Variants in FHIP1A observed in about 807,000 individuals in gnomAD.
FHIP1A encodes the protein FHF complex subunit HOOK-interacting protein 1A.
FHIP1A carries 61 observed loss-of-function variants against 88.6 expected under a neutral mutation model. The observed-to-expected ratio is 0.69, with a 90% CI of 0.56 to 0.85. The LOEUF (loss-of-function observed/expected upper bound fraction) is 0.85, where lower values mean the gene tolerates loss of function less well. Among genes scored for constraint, FHIP1A ranks in the 40% least tolerant of loss-of-function variants. FHIP1A has a pLI of 0.00. For missense variants in FHIP1A, 1,154 were observed against 1,273.5 expected (o/e 0.91, Z 1.43); for synonymous variants, 478 against 496.0 (o/e 0.96, Z 0.48).
At chr4:151,528,835 C>T (rs1230927848) in intron 3 of FHIP1A, among the ~76,000 whole-genome samples, 5 of 152,138 alleles carry the variant, frequency 3.3e-5, no homozygotes, top group Non-Finnish European at 5.9e-5. Flanking sequence ...AATATTTTCC[C>T]CCCCTTCAGC....
intron 3 of FHIP1A, among the ~76,000 whole-genome samples, chr4:151,557,944 A>G (rs1733017368): frequency 6.6e-6 from 1 of 152,148 alleles, no homozygotes; most frequent in Non-Finnish European, 1.5e-5. Context: ...GCTACAGTGT[A>G]TGTTGTTCTA....
intron 5 of FHIP1A, among the ~76,000 whole-genome samples, chr4:151,581,477 T>C (rs1025251366): frequency 6.6e-6 from 1 of 152,216 alleles, no homozygotes; most frequent in African/African-American, 2.4e-5. Flanking sequence ...TCCATTTAAC[T>C]GCATCATAAG....
At position 151,629,763 on chromosome 4, in the gene FHIP1A, C is replaced by T; in HGVS notation, c.1040C>T (p.Ser347Phe). 1 of 1,551,466 alleles carries T rather than the reference C, an allele frequency of 6.4e-7. No homozygotes were observed. Among genetic ancestry groups the T allele is most frequent in the Non-Finnish European group, 8.7e-7 (1 of 1,146,834 alleles). The change falls in exon 8 of 14, where the codon TCC becomes TTC. Residue 347 changes from serine (S) to phenylalanine (F), a missense_variant. Physicochemically the swap from Ser to Phe is radical, Grantham distance 155 (BLOSUM62 -2). Transcript: ENST00000435205. Reference protein sequence around the residue: ...AYLDLFLRSISEPALLEIFLR... With the variant: ...AYLDLFLRSIFEPALLEIFLR... ...CTGGACCTTTTCCTGCGTAGCATCTCCGAGCCAGCACTACTTGAGATCTTC... is the reference window on the plus strand; with the variant it reads ...CTGGACCTTTTCCTGCGTAGCATCTTCGAGCCAGCACTACTTGAGATCTTC...
intron 3 of FHIP1A, among the ~76,000 whole-genome samples, chr4:151,532,163 G>A (rs1053705431): frequency 2.0e-5 from 3 of 152,124 alleles, no homozygotes; most frequent in Non-Finnish European, 4.4e-5. Flanking sequence ...GCGAAACTGG[G>A]ATGATTTTCA....
intron 3 of FHIP1A, among the ~76,000 whole-genome samples, chr4:151,526,970 G>T (rs1282966297): frequency 1.3e-5 from 2 of 151,750 alleles, no homozygotes; most frequent in Non-Finnish European, 2.9e-5. Context: ...TGGGATGGCG[G>T]CTGGGAAGAG....
intron 2 of FHIP1A, among the ~76,000 whole-genome samples, chr4:151,482,026 C>T (rs973502935): frequency 1.6e-4 from 24 of 152,006 alleles, no homozygotes; most frequent in African/African-American, 5.6e-4. Context: ...AGACTTTGCC[C>T]GTTGGATGGC....
At chr4:151,564,467 C>G (rs1477236666) in intron 3 of FHIP1A, among the ~76,000 whole-genome samples, 1 of 152,132 alleles carries the variant, frequency 6.6e-6, no homozygotes, top group African/African-American at 2.4e-5. Context: ...GGTGAAGGTT[C>G]TGGCAGTAAG....
In FHIP1A at chr4:151,662,934, TTA is replaced by T; in HGVS notation, c.*182_*183del. On this transcript the variant is annotated 3_prime_UTR_variant, in exon 14 of 14. Coordinates refer to ENST00000435205, the MANE Select transcript of FHIP1A (RefSeq NM_001109977.3). ...CTCTCTCTAGCCGGGCCTTTCCACC[TTA>T]TGTTATATATAGAATGTAAGTCTCA... is the stretch of plus-strand genomic sequence containing the variant. The T allele has an allele frequency of 1.7e-6, 1 of 585,238 alleles. No homozygotes were observed. Among genetic ancestry groups the T allele is most frequent in the South Asian group, 2.8e-5 (1 of 35,222 alleles). The allele number at this position is 585,238 out of a possible 1,614,324, so 36.3% of individuals were successfully genotyped here. A position where few individuals can be genotyped will look rare whatever the true frequency, so the allele number is the denominator to read the frequency against.
intron 3 of FHIP1A, among the ~76,000 whole-genome samples, chr4:151,493,354 A>G (rs1730350576): frequency 6.6e-6 from 1 of 152,198 alleles, no homozygotes; most frequent in South Asian, 2.1e-4. Flanking sequence ...CAACAAATAA[A>G]GTCCAGGAAC....
In FHIP1A at chr4:151,537,610, A is replaced by G. The variant is rs137859278; in HGVS notation, c.-122-28528A>G. Among the ~76,000 whole-genome samples, 506 of 152,208 alleles carry G rather than the reference A, an allele frequency of 3.3e-3. 5 individuals carry two copies. The highest frequency in any genetic ancestry group is 0.012 in the African/African-American group (487 of 41,528). ...AAGTTTTAAGTTTTGATGATGTTCA[A>G]TTCATCAGTTTTTTCTTTTACAGAT... On this transcript the variant is annotated intron_variant, in intron 3 of 13. Coordinates refer to ENST00000435205, the MANE Select transcript of FHIP1A (RefSeq NM_001109977.3).
At chr4:151,501,912 G>A (rs2126663796) in intron 3 of FHIP1A, among the ~76,000 whole-genome samples, 1 of 151,124 alleles carries the variant, frequency 6.6e-6, no homozygotes, top group South Asian at 2.1e-4. Context: ...GCCATTCATA[G>A]GAAAAACAGA....
intron 3 of FHIP1A, among the ~76,000 whole-genome samples, chr4:151,543,960 T>C (rs1285858647): frequency 6.6e-6 from 1 of 152,202 alleles, no homozygotes; most frequent in Non-Finnish European, 1.5e-5. Context: ...CACTGATTGA[T>C]TGTGAAAATT....
At chr4:151,451,559 C>T (rs1158831958) in intron 1 of FHIP1A, among the ~76,000 whole-genome samples, 2 of 152,020 alleles carry the variant, frequency 1.3e-5, no homozygotes, top group African/African-American at 4.8e-5. Flanking sequence ...TCTAGTTCCC[C>T]CATATCTTTG....
chr4:151,499,681 C>T lies in FHIP1A; in HGVS notation c.-123+17033C>T, dbSNP rs532566994. ...GAGGTTTAATTAACTTAGAGTTCAG[C>T]GTGGCTGGGGAGGCCTCAGGAAACT... On this transcript the variant is annotated intron_variant, in intron 3 of 13. Transcript: ENST00000435205. Among the ~76,000 whole-genome samples, 10 of 152,270 alleles carry T rather than the reference C, an allele frequency of 6.6e-5. No individual in the cohort carries two copies. The South Asian group carries it at 1.7e-3, about 25-fold the overall frequency.
chr4:151,571,982 C>T (rs1483060208), intron 4 of FHIP1A, among the ~76,000 whole-genome samples: 16 of 152,202 alleles, frequency 1.1e-4, no homozygotes, highest in Admixed American at 7.2e-4. Flanking sequence ...CCGAGGTGGG[C>T]GGATCACCAA....
intron 5 of FHIP1A, among the ~76,000 whole-genome samples, chr4:151,583,953 G>A (rs866080763): frequency 6.6e-6 from 1 of 151,970 alleles, no homozygotes; most frequent in East Asian, 1.9e-4. Flanking sequence ...TAAATGTACT[G>A]TCTTGTTTAC....
chr4:151,507,909 C>T (rs1730891321), intron 3 of FHIP1A, among the ~76,000 whole-genome samples: 1 of 152,184 alleles, frequency 6.6e-6, no homozygotes, highest in Non-Finnish European at 1.5e-5. Context: ...GTAAATGTTT[C>T]TGATCCTGGA....
intron 3 of FHIP1A, among the ~76,000 whole-genome samples, chr4:151,517,770 G>A (rs1438824043): frequency 6.6e-6 from 1 of 151,836 alleles, no homozygotes; most frequent in African/African-American, 2.4e-5. Flanking sequence ...TTGTGTCTTA[G>A]CTTTTAACAA....
chr4:151,627,678 G>A (rs1476475127), intron 7 of FHIP1A, among the ~76,000 whole-genome samples: 1 of 152,122 alleles, frequency 6.6e-6, no homozygotes, highest in Non-Finnish European at 1.5e-5. Context: ...CTAATGTAGG[G>A]TTGTTGTGAG....
Sources: gnomAD v4.1 joint callset for allele counts (sites outside exome capture counted in the v4.1 genomes callset) on GRCh38, gnomAD v4.1.1 for gene constraint, MANE v1.5 for transcripts, NCBI Gene and HGNC (gene_info 2026-07-23, HGNC 2026-07-21) for gene names.